FEM1C: variants seen among roughly 807,000 people sequenced by gnomAD.
The protein encoded by FEM1C is fem-1 homolog C, also known as protein fem-1 homolog C.
Under a neutral mutation model 37.6 loss-of-function variants are expected in FEM1C, and 15 were observed. The observed-to-expected ratio is 0.40, with a 90% CI of 0.27 to 0.61. The LOEUF is 0.61. Among genes scored for constraint, FEM1C ranks in the 20% least tolerant of loss-of-function variants. The pLI, the probability that FEM1C is intolerant of heterozygous loss-of-function variation, is 0.42. For synonymous variants in FEM1C, 287 were observed against 272.8 expected, an observed-to-expected ratio of 1.05 and a Z score of -0.51; for missense variants, 532 against 749.7, an observed-to-expected ratio of 0.71 and a Z score of 3.39.
In FEM1C at chr5:115,524,633, A is replaced by G. The variant is rs755693706; in HGVS notation, c.1529T>C (p.Val510Ala). The change falls in exon 3 of 3, where the codon GTT becomes GCT. Residue 510 changes from valine to alanine, a missense_variant. Transcript: ENST00000274457. ...YPVCKFPSLQ[V>A]TAILIECGAD... is the part of the protein sequence containing the mutation. Reference sequence around the variant, plus strand: ...ACCACATTCTATCAGTATTGCAGTAACTTGTAGAGATGGAAATTTACAAAC... The same window carrying G: ...ACCACATTCTATCAGTATTGCAGTAGCTTGTAGAGATGGAAATTTACAAAC... 1.9e-6 allele frequency: 3 copies of G among 1,582,568 alleles called. No individual in the cohort carries two copies. The highest frequency in any genetic ancestry group is 1.8e-5 in the Admixed American group (1 of 54,184).
chr5:115,525,465 G>A lies in FEM1C; in HGVS notation c.697C>T (p.Leu233=). The A allele has an allele frequency of 1.9e-6, 3 of 1,613,664 alleles. No individual in the cohort carries two copies. The highest frequency in any genetic ancestry group is 2.5e-6 in the Non-Finnish European group (3 of 1,179,786). ...TTGCTGGTCTGTGCATGGTGTGTCAGAAAATCCACAATATTTGTGTGACCA... is the reference window on the plus strand; with the variant it reads ...TTGCTGGTCTGTGCATGGTGTGTCAAAAAATCCACAATATTTGTGTGACCA... The part of the protein sequence containing the change: ...VTGHTNIVDF[L]THHAQTSKTE... The change falls in exon 3 of 3, where the codon CTG becomes TTG. Residue 233 remains leucine (L), a synonymous_variant. Transcript: ENST00000274457.
intron 2 of FEM1C, among the ~76,000 whole-genome samples, chr5:115,526,164 C>T (rs1461695982): frequency 6.6e-6 from 1 of 152,018 alleles, no homozygotes; most frequent in African/African-American, 2.4e-5. Flanking sequence ...CCTGGCCAGA[C>T]TGCTCTTTAA....
At chr5:115,535,284 T>TAA (rs5870660) in intron 2 of FEM1C, among the ~76,000 whole-genome samples, 8,905 of 139,914 alleles carry the variant, frequency 0.064, 795 homozygotes, top group African/African-American at 0.2. Flanking sequence ...TCAAAAAAGT[T>TAA]AAAAAAAAAA....
chr5:115,543,814 C>A lies in FEM1C; in HGVS notation c.-190-131G>T, dbSNP rs992148549. The A allele has an allele frequency of 8.4e-5, 89 of 1,061,804 alleles. 2 individuals are homozygous for A. In the East Asian group the frequency reaches 4.2e-3, roughly 50 times the overall value. The allele number at this position is 1,061,804 out of a possible 1,614,324, so 65.8% of individuals were successfully genotyped here. A position where few individuals can be genotyped will look rare whatever the true frequency, so the allele number is the denominator to read the frequency against. On this transcript the variant is annotated intron_variant, in intron 1 of 2. Transcript: ENST00000274457. ...CAGGCACTACTCCATCCCACACACC[C>A]CCCCCACCCCCAAAGAAAAGGTGGT... is the stretch of plus-strand genomic sequence containing the variant.
Position 115,525,164 on chromosome 5 carries a change from G to C in FEM1C, c.998C>G (p.Ser333Cys), listed in dbSNP as rs141946137. ...AATATAGTAAGAGGTATCAGGATGAGAAGGACCAAGAATACGTTCTCTGAT... is the reference window on the plus strand; with the variant it reads ...AATATAGTAAGAGGTATCAGGATGACAAGGACCAAGAATACGTTCTCTGAT... ...LLIRERILGP[S>C]HPDTSYYIRY... The change falls in exon 3 of 3, where the codon TCT (serine) becomes TGT (cysteine). Residue 333 changes from serine (S) to cysteine (C), a missense_variant. Transcript: ENST00000274457. The C allele has an allele frequency of 4.3e-6, 7 of 1,613,542 alleles. No individual in the cohort carries two copies. The highest frequency in any genetic ancestry group is 5.9e-6 in the Non-Finnish European group (7 of 1,179,834).
At chr5:115,542,294 T>C (rs1187317547) in intron 2 of FEM1C, among the ~76,000 whole-genome samples, 1 of 152,208 alleles carries the variant, frequency 6.6e-6, no homozygotes. Flanking sequence ...ATCTGTTTAA[T>C]CTAGTCCTTG....
Position 115,524,796 on chromosome 5 carries a change from G to A in FEM1C, c.1366C>T (p.Pro456Ser), listed in dbSNP as rs1580376931. The A allele has an allele frequency of 6.3e-7, 1 of 1,595,258 alleles. No individual in the cohort carries two copies. Among genetic ancestry groups the A allele is most frequent in the East Asian group, 2.2e-5 (1 of 44,814 alleles). The part of the protein sequence containing the change: ...LHLICLLEKV[P>S]CTLEQDHFKK... Reference sequence around the variant, plus strand: ...AAATGGTCTTGTTCTAGAGTACAAGGAACTTTCTCTAACAAGCAAATTAAG... The same window carrying A: ...AAATGGTCTTGTTCTAGAGTACAAGAAACTTTCTCTAACAAGCAAATTAAG... The change falls in exon 3 of 3, where the codon CCT becomes TCT. Residue 456 changes from proline (P) to serine (S), a missense_variant. Coordinates refer to ENST00000274457, the MANE Select transcript of FEM1C (RefSeq NM_020177.3).
intron 2 of FEM1C, among the ~76,000 whole-genome samples, chr5:115,532,534 C>G (rs945664345): frequency 6.7e-6 from 1 of 148,928 alleles, no homozygotes; most frequent in African/African-American, 2.5e-5. Context: ...GCTTAGAAAA[C>G]AGAGGGGAAA....
intron 2 of FEM1C, among the ~76,000 whole-genome samples, chr5:115,526,179 T>G (rs1264241883): frequency 6.6e-6 from 1 of 152,064 alleles, no homozygotes; most frequent in Non-Finnish European, 1.5e-5. Context: ...CTTTAATATA[T>G]CTAAGATTCT....
intron 2 of FEM1C, among the ~76,000 whole-genome samples, chr5:115,535,294 A>G (rs919810531): frequency 1.3e-5 from 2 of 151,418 alleles, no homozygotes; most frequent in Admixed American, 1.3e-4. Context: ...TAAAAAAAAA[A>G]AAAACAAACA....
At position 115,524,320 on chromosome 5, in the gene FEM1C, G is replaced by T; in HGVS notation, c.1842C>A (p.Ser614=). ...TACAGTCAAGTTATCATCTATGAAG[G>T]GAAACAAAAGTCTCTAGCTTTTCTG... ...HIPEKLETFV[S]LHR Residue 614 remains serine (S), a synonymous_variant, in exon 3 of 3, where the codon TCC becomes TCA. Coordinates refer to ENST00000274457, the MANE Select transcript of FEM1C (RefSeq NM_020177.3). 1 of 1,612,856 alleles carries T rather than the reference G, an allele frequency of 6.2e-7. No homozygotes were observed. The highest frequency in any genetic ancestry group is 8.5e-7 in the Non-Finnish European group (1 of 1,179,348).
At chr5:115,541,660 A>G (rs1754243901) in intron 2 of FEM1C, among the ~76,000 whole-genome samples, 1 of 152,192 alleles carries the variant, frequency 6.6e-6, no homozygotes, top group Non-Finnish European at 1.5e-5. Context: ...CCTAAATATC[A>G]ACCAATAGAG....
chr5:115,537,361 G>C (rs1187503812), intron 2 of FEM1C, among the ~76,000 whole-genome samples: 1 of 152,026 alleles, frequency 6.6e-6, no homozygotes, highest in Non-Finnish European at 1.5e-5. Flanking sequence ...TCTATCTTAA[G>C]CTCATGTTAC....
chr5:115,525,119 T>C lies in FEM1C; in HGVS notation c.1043A>G (p.Tyr348Cys). The C allele has an allele frequency of 5.0e-6, 8 of 1,613,848 alleles. No homozygotes were observed. The highest frequency in any genetic ancestry group is 1.1e-5 in the South Asian group (1 of 91,080). Residue 348 changes from tyrosine (Y) to cysteine (C), a missense_variant, in exon 3 of 3, where the codon TAT becomes TGT. Transcript: ENST00000274457. Reference sequence around the variant, plus strand: ...TCGTTTGAAATTTCCAGAGTCTGCATAGACAGCGCCTCTATATCTAATATA... The same window carrying C: ...TCGTTTGAAATTTCCAGAGTCTGCACAGACAGCGCCTCTATATCTAATATA... ...SYYIRYRGAVYADSGNFKRCI... is the reference protein window; with the variant it reads ...SYYIRYRGAVCADSGNFKRCI...
In FEM1C at chr5:115,544,510, C is replaced by A. The variant is rs945381865; in HGVS notation, c.-191+13G>T. The A allele has an allele frequency of 6.5e-6, 1 of 153,756 alleles. No homozygotes were observed. The highest frequency in any genetic ancestry group is 1.4e-5 in the Non-Finnish European group (1 of 69,210). The allele number at this position is 153,756 out of a possible 1,614,324, so 9.5% of individuals were successfully genotyped here. A position where few individuals can be genotyped will look rare whatever the true frequency, so the allele number is the denominator to read the frequency against. ...CGGCCCGAGCCCTGGCAGGCCGCTG[C>A]CGCCGCCACTACCTGCCCGGGGACT... On this transcript the variant is annotated intron_variant, in intron 1 of 2. Transcript: ENST00000274457.
Position 115,523,975 on chromosome 5 carries a change from C to A in FEM1C, c.*333G>T. 1 of 208,412 alleles carries A rather than the reference C, an allele frequency of 4.8e-6. No homozygotes were observed. 12.9% of individuals were successfully genotyped at this position (208,412 alleles called of 1,614,324 possible). ...TTTCAATTGTATAAAATTCACAAACCAGTAAAGTATAAAGACACCATGGAG... is the reference window on the plus strand; with the variant it reads ...TTTCAATTGTATAAAATTCACAAACAAGTAAAGTATAAAGACACCATGGAG... On this transcript the variant is annotated 3_prime_UTR_variant, in exon 3 of 3. Transcript: ENST00000274457.
chr5:115,542,961 T>C lies in FEM1C; in HGVS notation c.533A>G (p.Lys178Arg). Residue 178 changes from lysine (K) to arginine (R), a missense_variant, in exon 2 of 3, where the codon AAA (lysine) becomes AGA (arginine). By Grantham distance (26) the Lys-to-Arg change is conservative. Around this residue, in one of 3 missense-constraint regions of FEM1C, gnomAD observed 221 missense variants for 404.1 expected, o/e 0.55. Coordinates refer to ENST00000274457, the MANE Select transcript of FEM1C (RefSeq NM_020177.3). ...LLEKGADVNR[K>R]SVKGNTALHD... ...GAAGCTGAACTCACCTTTGACACTT[T>C]TTCTATTAACATCTGCCCCCTTTTC... 6.2e-7 allele frequency: 1 copy of C among 1,610,572 alleles called. No homozygotes were observed. Among genetic ancestry groups the C allele is most frequent in the East Asian group, 2.2e-5 (1 of 44,838 alleles).
At chr5:115,533,590 C>A (rs1213325247) in intron 2 of FEM1C, among the ~76,000 whole-genome samples, 2 of 151,838 alleles carry the variant, frequency 1.3e-5, no homozygotes, top group African/African-American at 4.8e-5. Context: ...ATGCCAAGTA[C>A]TATAGATTTA....
intron 2 of FEM1C, among the ~76,000 whole-genome samples, chr5:115,541,241 A>T (rs1754234524): frequency 6.6e-6 from 1 of 152,084 alleles, no homozygotes; most frequent in Non-Finnish European, 1.5e-5. Flanking sequence ...AGCATATAAA[A>T]CTGCATACAT....
Sources: allele counts gnomAD v4.1 joint callset (sites outside exome capture counted in the v4.1 genomes callset), GRCh38; gene constraint gnomAD v4.1.1; regional missense constraint gnomAD v4.1.1; transcripts MANE v1.5; gene names NCBI Gene and HGNC (gene_info 2026-07-23, HGNC 2026-07-21).